ACSS3: variants seen among roughly 807,000 people sequenced by gnomAD.
ACSS3 encodes acyl-CoA synthetase short-chain family member 3, mitochondrial.
Under a neutral mutation model 84.2 loss-of-function variants are expected in ACSS3, and 64 were observed. The ratio of observed to expected loss-of-function variants is 0.76; its 90% CI spans 0.62 to 0.94. The LOEUF (loss-of-function observed/expected upper bound fraction) is 0.94. Among genes scored for constraint, ACSS3 ranks in the 40% least tolerant of loss-of-function variants. The pLI is 0.00. For synonymous variants in ACSS3, 317 were observed against 310.1 expected (o/e 1.02, Z -0.23); for missense variants, 815 against 867.6 (o/e 0.94, Z 0.76).
Position 81,249,332 on chromosome 12 carries a change from T to C in ACSS3, c.1720-3975T>C, listed in dbSNP as rs549876334. On this transcript the variant is annotated intron_variant, in intron 13 of 15. Transcript: ENST00000548058. ...ACAAAGAAATGTACAGGAAACAAAT[T>C]GGGCTCTCTAATTTCACTCTTTCAC... Among the ~76,000 whole-genome samples, 8 of 152,170 alleles carry C rather than the reference T, an allele frequency of 5.3e-5. No individual in the cohort carries two copies. In the South Asian group the frequency reaches 6.2e-4, roughly 12 times the overall value.
chr12:81,078,073 A>T (rs939279363), upstream of ACSS3: 1 of 1,442,404 alleles, frequency 6.9e-7, no homozygotes, highest in Non-Finnish European at 9.1e-7. Context: ...AGGAAGTTGC[A>T]AGAGTACCAT....
At chr12:81,207,660 C>T (rs564491389) in intron 9 of ACSS3, among the ~76,000 whole-genome samples, 132 of 152,118 alleles carry the variant, frequency 8.7e-4, no homozygotes, top group Non-Finnish European at 1.6e-3. Flanking sequence ...TTCAAAAAAA[C>T]TTGGACTGTA....
intron 1 of ACSS3, among the ~76,000 whole-genome samples, chr12:81,083,134 T>C (rs1016009714): frequency 1.3e-5 from 2 of 152,184 alleles, no homozygotes; most frequent in South Asian, 2.1e-4. Flanking sequence ...TTTAGTGGCT[T>C]GTCTGAGTTG....
intron 8 of ACSS3, among the ~76,000 whole-genome samples, chr12:81,192,645 A>T (rs1236522154): frequency 6.6e-6 from 1 of 152,058 alleles, no homozygotes. Flanking sequence ...GTTTTATGTC[A>T]CCTTTTTTCC....
At chr12:81,093,860 C>A (rs906979195) in intron 1 of ACSS3, among the ~76,000 whole-genome samples, 2 of 152,062 alleles carry the variant, frequency 1.3e-5, no homozygotes, top group Non-Finnish European at 2.9e-5. Flanking sequence ...GAATCTATGT[C>A]TGTCAATCTG....
At chr12:81,094,142 G>T (rs1881858557) in intron 1 of ACSS3, among the ~76,000 whole-genome samples, 1 of 143,706 alleles carries the variant, frequency 7.0e-6, no homozygotes, top group South Asian at 2.2e-4. Context: ...GCATTCCAAG[G>T]ATATATTTTT....
intron 5 of ACSS3, among the ~76,000 whole-genome samples, chr12:81,145,075 T>C (rs992383709): frequency 1.4e-5 from 2 of 144,554 alleles, no homozygotes; most frequent in African/African-American, 5.1e-5. Flanking sequence ...TAATTTTTTT[T>C]TTTTTTTTTT....
chr12:81,109,831 A>G (rs978091783), intron 2 of ACSS3, 127 bp downstream of exon 2: 7 of 807,136 alleles, frequency 8.7e-6, no homozygotes, highest in Admixed American at 3.6e-5. Context: ...TTTTCTTTTG[A>G]TACACATTGG....
At chr12:81,216,391 C>G (rs1307527555) in intron 9 of ACSS3, among the ~76,000 whole-genome samples, 1 of 151,926 alleles carries the variant, frequency 6.6e-6, no homozygotes, top group African/African-American at 2.4e-5. Context: ...ATGGCAGAAA[C>G]CGCAATTACT....
In ACSS3 at chr12:81,078,101, A is replaced by G; in HGVS notation, c.-20A>G. 1 of 1,459,466 alleles carries G rather than the reference A, an allele frequency of 6.9e-7. No individual in the cohort carries two copies. The allele number at this position is 1,459,466 out of a possible 1,614,324, so 90.4% of individuals were successfully genotyped here. On this transcript the variant is annotated 5_prime_UTR_variant, in exon 1 of 16. Transcript: ENST00000548058. Reference sequence around the variant, plus strand: ...AGTACCATTTGTCGCACACTCGGGGACCGCGGGTGGCCGGAGGAGATGAAA... The same window carrying G: ...AGTACCATTTGTCGCACACTCGGGGGCCGCGGGTGGCCGGAGGAGATGAAA...
At chr12:81,169,597 A>G (rs1400657712) in intron 7 of ACSS3, among the ~76,000 whole-genome samples, 1 of 152,198 alleles carries the variant, frequency 6.6e-6, no homozygotes, top group East Asian at 1.9e-4. Flanking sequence ...GTTAATTCAT[A>G]TATGAGCAAT....
At chr12:81,205,417 A>G (rs1399143060) in intron 9 of ACSS3, among the ~76,000 whole-genome samples, 3 of 152,118 alleles carry the variant, frequency 2.0e-5, no homozygotes, top group African/African-American at 7.2e-5. Flanking sequence ...GGATATCTGG[A>G]GAAGATTCAC....
chr12:81,157,476 A>G (rs1337179932), intron 7 of ACSS3, among the ~76,000 whole-genome samples: 3 of 152,166 alleles, frequency 2.0e-5, no homozygotes, highest in Non-Finnish European at 4.4e-5. Flanking sequence ...CTCACCCTCT[A>G]TTCAACATAT....
chr12:81,230,057 A>G (rs1024632761), intron 11 of ACSS3, among the ~76,000 whole-genome samples: 4 of 151,974 alleles, frequency 2.6e-5, no homozygotes, highest in African/African-American at 9.6e-5. Flanking sequence ...GTGAGATGTC[A>G]TCTTATGTGG....
chr12:81,135,126 GATAA>G (rs994458458), intron 3 of ACSS3, 122 bp downstream of exon 3: 1 of 800,968 alleles, frequency 1.2e-6, no homozygotes, highest in Non-Finnish European at 1.7e-6. Flanking sequence ...TAGGATGGTT[GATAA>G]ATACTTTTCC....
intron 10 of ACSS3, among the ~76,000 whole-genome samples, chr12:81,219,458 A>G (rs945531491): frequency 2.0e-5 from 3 of 152,088 alleles, no homozygotes; most frequent in African/African-American, 7.2e-5. Context: ...GGGTTACTGA[A>G]TGTGGATACA....
rs560220699 is a variant in ACSS3 at position 81,142,398 on chromosome 12, C to T, written c.781-709C>T. 1.1e-3 allele frequency among the ~76,000 whole-genome samples: 172 copies of T among 152,304 alleles called. 1 individual carries two copies. The highest frequency in any genetic ancestry group is 4.0e-3 in the African/African-American group (166 of 41,570). On this transcript the variant is annotated intron_variant, in intron 4 of 15. Coordinates refer to ENST00000548058, the MANE Select transcript of ACSS3 (RefSeq NM_024560.4). ...CTTCCCTGCTTTTCACCCATCTGGCCATTTCATTGTCACTGTTTTTAAAAA... is the reference window on the plus strand; with the variant it reads ...CTTCCCTGCTTTTCACCCATCTGGCTATTTCATTGTCACTGTTTTTAAAAA...
intron 9 of ACSS3, among the ~76,000 whole-genome samples, chr12:81,216,315 G>T (rs572628246): frequency 1.3e-5 from 2 of 151,736 alleles, no homozygotes; most frequent in East Asian, 1.9e-4. Context: ...TTGGAGGAGG[G>T]GGGAGGGATA....
chr12:81,205,357 T>C (rs140026478), intron 9 of ACSS3, among the ~76,000 whole-genome samples: 318 of 152,226 alleles, frequency 2.1e-3, no homozygotes, highest in African/African-American at 7.0e-3. Flanking sequence ...AGGCAAGACT[T>C]TTAACTACAA....
Sources: gnomAD v4.1 joint callset for allele counts (sites outside exome capture counted in the v4.1 genomes callset) on GRCh38, gnomAD v4.1.1 for gene constraint, MANE v1.5 for transcripts, NCBI Gene and HGNC (gene_info 2026-07-23, HGNC 2026-07-21) for gene names.